PHYHIPL: variants seen among roughly 807,000 people sequenced by gnomAD.
PHYHIPL encodes phytanoyl-CoA hydroxylase-interacting protein-like.
Under a neutral mutation model 33.4 loss-of-function variants are expected in PHYHIPL, and 9 were observed. That is an observed-to-expected ratio of 0.27 (90% CI 0.16 to 0.47). The LOEUF (loss-of-function observed/expected upper bound fraction) is 0.47. Among genes scored for constraint, PHYHIPL ranks in the 20% least tolerant of loss-of-function variants. The pLI is 0.99. For missense variants in PHYHIPL, 365 were observed against 460.7 expected (o/e 0.79, Z 1.90); for synonymous variants, 153 against 154.1 (o/e 0.99, Z 0.05).
intron 1 of PHYHIPL, among the ~76,000 whole-genome samples, chr10:59,197,460 C>T (rs1043552399): frequency 6.6e-6 from 1 of 152,158 alleles, no homozygotes; most frequent in Non-Finnish European, 1.5e-5. Flanking sequence ...ATCTGTTACC[C>T]TGTTGTGCAA....
At chr10:59,236,971 C>T (rs1474709434) in intron 3 of PHYHIPL, among the ~76,000 whole-genome samples, 1 of 149,268 alleles carries the variant, frequency 6.7e-6, no homozygotes, top group South Asian at 2.1e-4. Flanking sequence ...TTTTTAGCTT[C>T]ATTTTGAGAG....
chr10:59,230,684 C>T (rs1326881380), intron 1 of PHYHIPL, among the ~76,000 whole-genome samples: 3 of 152,096 alleles, frequency 2.0e-5, no homozygotes. Context: ...GCCCTGGTGA[C>T]CTCAGGAGGT....
intron 1 of PHYHIPL, among the ~76,000 whole-genome samples, chr10:59,184,007 G>T (rs1203351552): frequency 1.3e-5 from 2 of 152,064 alleles, no homozygotes; most frequent in Non-Finnish European, 2.9e-5. Context: ...TTGAATATTG[G>T]TGAATCTCTC....
At chr10:59,198,939 G>A (rs978017754) in intron 1 of PHYHIPL, among the ~76,000 whole-genome samples, 2 of 152,052 alleles carry the variant, frequency 1.3e-5, no homozygotes, top group Non-Finnish European at 1.5e-5. Context: ...TGAGTTCTTT[G>A]TAGATTCTAG....
At chr10:59,207,017 A>C (rs1349672245) in intron 1 of PHYHIPL, among the ~76,000 whole-genome samples, 1 of 152,198 alleles carries the variant, frequency 6.6e-6, no homozygotes, top group Non-Finnish European at 1.5e-5. Flanking sequence ...AGGCTAACAC[A>C]ACAGAGATCT....
At chr10:59,234,598 GT>G (rs1351453727) in intron 2 of PHYHIPL, 98 bp downstream of exon 2, 1 of 795,350 alleles carries the variant, frequency 1.3e-6, no homozygotes, top group East Asian at 3.3e-5. Flanking sequence ...AATGGCTTAT[GT>G]GATGTATTTG....
intron 4 of PHYHIPL, among the ~76,000 whole-genome samples, chr10:59,242,469 A>C (rs1378015898): frequency 1.3e-5 from 2 of 152,206 alleles, no homozygotes; most frequent in African/African-American, 4.8e-5. Flanking sequence ...ATGATCCAGA[A>C]TATAATAACA....
chr10:59,177,503 A>G, intron 1 of PHYHIPL: 1 of 1,550,990 alleles, frequency 6.4e-7, no homozygotes, highest in Non-Finnish European at 8.7e-7. Flanking sequence ...AGGGCGCAGA[A>G]AAACAGTGCA....
chr10:59,205,691 T>A (rs568493434), intron 1 of PHYHIPL, among the ~76,000 whole-genome samples: 2 of 152,202 alleles, frequency 1.3e-5, no homozygotes, highest in South Asian at 2.1e-4. Context: ...TTTTCAGTAG[T>A]ATGTGGGCCG....
chr10:59,190,884 C>T (rs1838764455), intron 1 of PHYHIPL, among the ~76,000 whole-genome samples: 1 of 151,640 alleles, frequency 6.6e-6, no homozygotes, highest in Non-Finnish European at 1.5e-5. Context: ...GAAAAAAATC[C>T]CCGACTTCAG....
At chr10:59,238,435 C>A (rs1235011984) in intron 3 of PHYHIPL, among the ~76,000 whole-genome samples, 153 bp from the exon 4 acceptor site, 1 of 151,968 alleles carries the variant, frequency 6.6e-6, no homozygotes. Context: ...ATGTGCCACA[C>A]AGACAATGAA....
chr10:59,224,426 G>C (rs935944918), intron 1 of PHYHIPL, among the ~76,000 whole-genome samples: 2 of 151,202 alleles, frequency 1.3e-5, no homozygotes, highest in African/African-American at 4.9e-5. Flanking sequence ...CTGCACTCCA[G>C]CCTGGGCAAG....
At chr10:59,181,903 CT>C (rs1838421673) in intron 1 of PHYHIPL, among the ~76,000 whole-genome samples, 1 of 152,196 alleles carries the variant, frequency 6.6e-6, no homozygotes, top group Admixed American at 6.5e-5. Flanking sequence ...ATGTTTAACG[CT>C]GGCAACTTAC....
intron 1 of PHYHIPL, among the ~76,000 whole-genome samples, chr10:59,232,299 A>G (rs1840102618): frequency 2.0e-5 from 3 of 152,058 alleles, no homozygotes; most frequent in Admixed American, 2.0e-4. Context: ...TTTGTTAAGA[A>G]CTAGTTAATC....
chr10:59,234,153 G>A lies in PHYHIPL; in HGVS notation c.107-151G>A, dbSNP rs537335786. ...GTGTCAGTGTTTTTGTGTTCACTCT[G>A]TGAAAACAAATTGGAAACATAAATG... is the stretch of plus-strand genomic sequence containing the variant. On this transcript the variant is annotated intron_variant, in intron 1 of 4. Coordinates refer to ENST00000373880, the MANE Select transcript of PHYHIPL (RefSeq NM_032439.4). 2.3e-5 allele frequency: 14 copies of A among 613,242 alleles called. No homozygotes were observed. The East Asian group carries it at 4.7e-4, about 21-fold the overall frequency. 38.0% of individuals were successfully genotyped at this position (613,242 alleles called of 1,614,324 possible). A position where few individuals can be genotyped will look rare whatever the true frequency, so the allele number is the denominator to read the frequency against.
At chr10:59,224,781 A>C (rs1839882544) in intron 1 of PHYHIPL, among the ~76,000 whole-genome samples, 1 of 152,074 alleles carries the variant, frequency 6.6e-6, no homozygotes, top group African/African-American at 2.4e-5. Context: ...TTTGCTCTTC[A>C]CAAAATCAAA....
At chr10:59,201,771 A>G (rs1273605168) in intron 1 of PHYHIPL, among the ~76,000 whole-genome samples, 1 of 152,216 alleles carries the variant, frequency 6.6e-6, no homozygotes, top group Non-Finnish European at 1.5e-5. Flanking sequence ...CTAATGATTT[A>G]TCATAATTAT....
chr10:59,213,268 C>T (rs892570982), intron 1 of PHYHIPL, among the ~76,000 whole-genome samples: 1 of 151,844 alleles, frequency 6.6e-6, no homozygotes, highest in Non-Finnish European at 1.5e-5. Flanking sequence ...CAATGGTTAC[C>T]TTTTGTCTGT....
intron 4 of PHYHIPL, among the ~76,000 whole-genome samples, chr10:59,242,405 T>C (rs1840431765): frequency 7.0e-6 from 1 of 143,596 alleles, no homozygotes; most frequent in South Asian, 2.3e-4. Flanking sequence ...CCCATACTCT[T>C]CACCCACTGG....
Sources: allele counts gnomAD v4.1 joint callset (sites outside exome capture counted in the v4.1 genomes callset), GRCh38; gene constraint gnomAD v4.1.1; transcripts MANE v1.5; gene names NCBI Gene and HGNC (gene_info 2026-07-23, HGNC 2026-07-21).